ENPEP: variants seen among roughly 807,000 people sequenced by gnomAD.
ENPEP encodes glutamyl aminopeptidase.
ENPEP carries 103 observed loss-of-function variants against 114.5 expected under a neutral mutation model. That is an observed-to-expected ratio of 0.90 (90% confidence interval 0.77 to 1.06). The LOEUF (loss-of-function observed/expected upper bound fraction) is 1.06, where lower values mean the gene tolerates loss of function less well. Ranked by LOEUF, ENPEP falls within the 50% of genes least tolerant of loss-of-function variation. ENPEP has a pLI of 0.00. For synonymous variants in ENPEP, 420 were observed against 422.0 expected, an observed-to-expected ratio of 1.00 and a Z score of 0.06; for missense variants, 1,196 against 1,161.3, an observed-to-expected ratio of 1.03 and a Z score of -0.43.
intron 17 of ENPEP, 90 bp from the exon 18 acceptor site, chr4:110,553,225 C>A (rs1727352817): frequency 3.4e-6 from 4 of 1,187,374 alleles, no homozygotes; most frequent in Non-Finnish European, 2.3e-6. Context: ...AATTGAATTG[C>A]TGGCATGAAA....
Position 110,476,762 on chromosome 4 carries a change from G to C in ENPEP, c.348G>C (p.Thr116=), listed in dbSNP as rs1446720882. ...VKPLLEEDTY[T]GTVSISINLS... ...CCCTGTTGGAGGAGGACACCTACAC[G>C]GGCACCGTGAGCATCTCCATCAACC... The change falls in exon 1 of 20, where the codon ACG becomes ACC. Residue 116 remains threonine (T), a synonymous_variant. Coordinates refer to ENST00000265162, the MANE Select transcript of ENPEP (RefSeq NM_001977.4). The C allele has an allele frequency of 1.4e-5, 22 of 1,614,056 alleles. No homozygotes were observed. The highest frequency in any genetic ancestry group is 1.8e-5 in the Non-Finnish European group (21 of 1,180,042).
intron 10 of ENPEP, among the ~76,000 whole-genome samples, chr4:110,525,657 A>T (rs796281790): frequency 1.2e-4 from 16 of 129,532 alleles, no homozygotes; most frequent in African/African-American, 4.1e-4. Context: ...TGTTTTAGAA[A>T]GTCTTTAACT....
intron 3 of ENPEP, among the ~76,000 whole-genome samples, chr4:110,492,525 A>G (rs1724766034): frequency 6.6e-6 from 1 of 152,190 alleles, no homozygotes; most frequent in Admixed American, 6.5e-5. Flanking sequence ...TACCGTATAC[A>G]AATTATAGCG....
intron 13 of ENPEP, among the ~76,000 whole-genome samples, chr4:110,547,787 CAA>C (rs1274593009): frequency 6.6e-6 from 1 of 151,912 alleles, no homozygotes; most frequent in Non-Finnish European, 1.5e-5. Context: ...ATAATTTCAA[CAA>C]AATACATTTA....
rs144818337 is a variant in ENPEP at position 110,554,279 on chromosome 4, G to A, written c.2642+824G>A. On this transcript the variant is annotated intron_variant, in intron 18 of 19. Coordinates refer to ENST00000265162, the MANE Select transcript of ENPEP (RefSeq NM_001977.4). ...GTCAATCCAGCGGCACTGTCTCATT[G>A]ATAATGACTGCCTTGTGAGAAATAC... is the stretch of plus-strand genomic sequence containing the variant. Among the ~76,000 whole-genome samples, 328 of 152,030 alleles carry A rather than the reference G, an allele frequency of 2.2e-3. 1 individual carries two copies. The highest frequency in any genetic ancestry group is 7.3e-3 in the African/African-American group (305 of 41,514).
chr4:110,559,579 C>G (rs1727609482), intron 18 of ENPEP, 68 bp from the exon 19 acceptor site: 4 of 1,108,828 alleles, frequency 3.6e-6, no homozygotes, highest in Non-Finnish European at 4.0e-6. Context: ...AAGGAAACAT[C>G]TGCATTTAGA....
chr4:110,535,304 G>T (rs921052128), intron 11 of ENPEP, among the ~76,000 whole-genome samples: 3 of 152,132 alleles, frequency 2.0e-5, no homozygotes, highest in African/African-American at 7.2e-5. Flanking sequence ...TATCCAGACT[G>T]TCCAGTCAGT....
At chr4:110,479,059 A>C (rs1349497771) in intron 1 of ENPEP, among the ~76,000 whole-genome samples, 1 of 152,208 alleles carries the variant, frequency 6.6e-6, no homozygotes, top group Non-Finnish European at 1.5e-5. Context: ...ATTATAGGAA[A>C]ACATAAATTC....
At chr4:110,501,478 T>C (rs1380028650) in intron 3 of ENPEP, among the ~76,000 whole-genome samples, 1 of 152,170 alleles carries the variant, frequency 6.6e-6, no homozygotes, top group East Asian at 1.9e-4. Context: ...TGCTTCCTTC[T>C]TGGGGTCCAT....
intron 7 of ENPEP, 122 bp downstream of exon 7, chr4:110,513,671 G>A (rs1725662704): frequency 1.8e-6 from 2 of 1,140,042 alleles, no homozygotes; most frequent in Non-Finnish European, 2.5e-6. Context: ...CAGTGTAGAA[G>A]TTATTCTGAG....
intron 3 of ENPEP, among the ~76,000 whole-genome samples, chr4:110,503,562 G>T (rs1217820512): frequency 6.6e-6 from 1 of 152,084 alleles, no homozygotes; most frequent in East Asian, 1.9e-4. Context: ...AGTCGTTTCA[G>T]TCTGGTTAAG....
chr4:110,487,238 C>A (rs1384126336), intron 1 of ENPEP, among the ~76,000 whole-genome samples: 1 of 152,222 alleles, frequency 6.6e-6, no homozygotes, highest in East Asian at 1.9e-4. Context: ...TTTGTTAGTC[C>A]TGCAAAGGCA....
At chr4:110,512,516 G>C (rs1191627353) in intron 6 of ENPEP, 1 of 152,030 alleles carries the variant, frequency 6.6e-6, no homozygotes, top group East Asian at 1.9e-4. Flanking sequence ...AATGAAACCC[G>C]CATAATTGGA....
At chr4:110,522,572 C>T (rs527653082) in intron 10 of ENPEP, among the ~76,000 whole-genome samples, 5 of 151,962 alleles carry the variant, frequency 3.3e-5, no homozygotes, top group Non-Finnish European at 7.4e-5. Context: ...ATTAACAGAC[C>T]CCACTTAGTA....
rs1475934816 is a variant in ENPEP at position 110,563,472 on chromosome 4, T to C, written c.*1914T>C. The C allele has an allele frequency of 6.6e-6, 1 of 152,174 alleles. No individual in the cohort carries two copies. Among genetic ancestry groups the C allele is most frequent in the Non-Finnish European group, 1.5e-5 (1 of 68,018 alleles). The allele number at this position is 152,174 out of a possible 1,614,324, so 9.4% of individuals were successfully genotyped here. The stretch of plus-strand genomic sequence containing the variant: ...GTATGTACTTTGTCAGAATAAGTCT[T>C]CTAGACCATCAGGTCCTTCTCAAAC... On this transcript the variant is annotated 3_prime_UTR_variant, in exon 20 of 20. Coordinates refer to ENST00000265162, the MANE Select transcript of ENPEP (RefSeq NM_001977.4).
intron 10 of ENPEP, among the ~76,000 whole-genome samples, chr4:110,521,998 C>T (rs1469144433): frequency 1.3e-5 from 2 of 151,816 alleles, no homozygotes; most frequent in Non-Finnish European, 2.9e-5. Flanking sequence ...CCTGCCTCAA[C>T]CTCCCAAGTA....
intron 4 of ENPEP, among the ~76,000 whole-genome samples, chr4:110,508,810 C>CA (rs927322158): frequency 6.0e-5 from 9 of 149,946 alleles, no homozygotes; most frequent in East Asian, 1.9e-4. Context: ...GACTCTGTCT[C>CA]AAAAAAAAAG....
intron 17 of ENPEP, 148 bp from the exon 18 acceptor site, chr4:110,553,167 T>C (rs1169853123): frequency 1.5e-6 from 1 of 663,266 alleles, no homozygotes; most frequent in African/African-American, 1.8e-5. Context: ...TTAAGTTGTC[T>C]TTCATCATTT....
chr4:110,507,142 T>C (rs1007596369), intron 4 of ENPEP, among the ~76,000 whole-genome samples: 1 of 152,176 alleles, frequency 6.6e-6, no homozygotes, highest in African/African-American at 2.4e-5. Flanking sequence ...ATCAGCGAGT[T>C]AAAAAATAAT....
Sources: gnomAD v4.1 joint callset for allele counts (sites outside exome capture counted in the v4.1 genomes callset) on GRCh38, gnomAD v4.1.1 for gene constraint, MANE v1.5 for transcripts, NCBI Gene and HGNC (gene_info 2026-07-23, HGNC 2026-07-21) for gene names.